LRMDA: variants seen among roughly 807,000 people sequenced by gnomAD.
The protein encoded by LRMDA is leucine rich melanocyte differentiation associated, also known as leucine-rich melanocyte differentiation-associated protein.
A neutral mutation model predicts 29.8 loss-of-function variants in LRMDA; 18 were observed. That is an observed-to-expected ratio of 0.60 (90% CI 0.42 to 0.90). The LOEUF (loss-of-function observed/expected upper bound fraction) is 0.90, where lower values mean the gene tolerates loss of function less well. LRMDA is among the 40% of genes least tolerant of loss of function. The pLI is 0.00. For synonymous variants in LRMDA, 125 were observed against 109.4 expected, an observed-to-expected ratio of 1.14 and a Z score of -0.89; for missense variants, 273 against 273.9, an observed-to-expected ratio of 1.00 and a Z score of 0.02.
At chr10:76,281,860 G>C (rs1006400968) in intron 5 of LRMDA, among the ~76,000 whole-genome samples, 7 of 152,100 alleles carry the variant, frequency 4.6e-5, no homozygotes, top group African/African-American at 1.7e-4. Flanking sequence ...GTCTTGGCCT[G>C]TTATTGTCTT....
intron 6 of LRMDA, among the ~76,000 whole-genome samples, chr10:76,403,947 C>T (rs1841875900): frequency 2.6e-5 from 4 of 152,154 alleles, no homozygotes; most frequent in Admixed American, 6.5e-5. Context: ...ATGGTGCCCG[C>T]TCTCCACTAG....
At chr10:76,366,058 TG>T (rs1439227119) in intron 6 of LRMDA, among the ~76,000 whole-genome samples, 2 of 152,148 alleles carry the variant, frequency 1.3e-5, no homozygotes, top group East Asian at 3.9e-4. Flanking sequence ...TGTAAGTATT[TG>T]GGTTTATTTC....
intron 6 of LRMDA, among the ~76,000 whole-genome samples, chr10:76,532,544 C>G (rs80330170): frequency 6.2e-4 from 94 of 152,248 alleles, no homozygotes; most frequent in African/African-American, 2.2e-3. Flanking sequence ...TAATAGCAAT[C>G]AAATGCTTGA....
intron 6 of LRMDA, among the ~76,000 whole-genome samples, chr10:76,429,545 G>T (rs1361695853): frequency 1.3e-5 from 2 of 152,066 alleles, no homozygotes; most frequent in East Asian, 3.9e-4. Context: ...ATGGCCAGAA[G>T]ATGACAGGGA....
At chr10:76,141,590 T>C (rs190818238) in intron 5 of LRMDA, among the ~76,000 whole-genome samples, 13 of 152,246 alleles carry the variant, frequency 8.5e-5, no homozygotes, top group Middle Eastern at 6.8e-3. Context: ...ACACTATTTT[T>C]ATAGTTGAAA....
intron 6 of LRMDA, among the ~76,000 whole-genome samples, chr10:76,432,419 T>C (rs189232984): frequency 6.6e-6 from 1 of 152,288 alleles, no homozygotes; most frequent in African/African-American, 2.4e-5. Flanking sequence ...CAAAGCAACA[T>C]TTGGCCTAGA....
chr10:75,495,402 A>G (rs968008056), intron 2 of LRMDA, among the ~76,000 whole-genome samples: 4 of 151,310 alleles, frequency 2.6e-5, no homozygotes, highest in African/African-American at 9.7e-5. Flanking sequence ...CGATATTAAG[A>G]TGGTGGGCAT....
At chr10:76,467,054 G>T (rs1842571568) in intron 6 of LRMDA, among the ~76,000 whole-genome samples, 1 of 152,152 alleles carries the variant, frequency 6.6e-6, no homozygotes, top group Admixed American at 6.5e-5. Context: ...AAATAGGACT[G>T]CAACTCAATA....
chr10:76,249,680 C>T (rs952997656), intron 5 of LRMDA, among the ~76,000 whole-genome samples: 4 of 152,166 alleles, frequency 2.6e-5, no homozygotes, highest in African/African-American at 9.7e-5. Flanking sequence ...GGTTTGATCA[C>T]TTAATATTTT....
At chr10:75,903,109 T>A (rs1845702392) in intron 2 of LRMDA, among the ~76,000 whole-genome samples, 1 of 152,228 alleles carries the variant, frequency 6.6e-6, no homozygotes, top group African/African-American at 2.4e-5. Context: ...AAGTGAATTG[T>A]GTTAAAATCA....
chr10:75,870,385 T>A (rs966202037), intron 2 of LRMDA, among the ~76,000 whole-genome samples: 2 of 152,214 alleles, frequency 1.3e-5, no homozygotes, highest in African/African-American at 4.8e-5. Context: ...TAGAAACATG[T>A]GTTATGTACG....
intron 5 of LRMDA, among the ~76,000 whole-genome samples, chr10:76,249,018 A>T (rs1852425322): frequency 6.6e-6 from 1 of 152,224 alleles, no homozygotes; most frequent in South Asian, 2.1e-4. Flanking sequence ...CTGTACACAA[A>T]GATCAGACTT....
intron 2 of LRMDA, among the ~76,000 whole-genome samples, chr10:75,817,609 A>T (rs968914168): frequency 6.6e-6 from 1 of 152,248 alleles, no homozygotes; most frequent in Non-Finnish European, 1.5e-5. Context: ...ATATATTCCC[A>T]GTTGGCATAG....
intron 2 of LRMDA, among the ~76,000 whole-genome samples, chr10:75,481,434 G>A (rs370391924): frequency 3.3e-5 from 5 of 152,248 alleles, no homozygotes; most frequent in Non-Finnish European, 4.4e-5. Context: ...CAGATTTAGC[G>A]GTAGGGAGGT....
chr10:76,349,826 T>A (rs1294597214), intron 6 of LRMDA, among the ~76,000 whole-genome samples: 1 of 152,102 alleles, frequency 6.6e-6, no homozygotes, highest in Non-Finnish European at 1.5e-5. Flanking sequence ...ATGCCAATCC[T>A]AAGTTCCAGA....
chr10:75,571,329 G>A (rs1449424559), intron 2 of LRMDA, among the ~76,000 whole-genome samples: 6 of 152,150 alleles, frequency 3.9e-5, no homozygotes, highest in Non-Finnish European at 8.8e-5. Flanking sequence ...CCAGTGTTCT[G>A]CCACATTGTG....
chr10:76,327,896 T>C (rs1270628844), intron 6 of LRMDA, among the ~76,000 whole-genome samples: 1 of 152,174 alleles, frequency 6.6e-6, no homozygotes, highest in Non-Finnish European at 1.5e-5. Context: ...TTCTAGATAG[T>C]TGATTATTTT....
chr10:76,476,454 C>T (rs1473067055), intron 6 of LRMDA, among the ~76,000 whole-genome samples: 7 of 152,158 alleles, frequency 4.6e-5, no homozygotes, highest in East Asian at 1.9e-4. Context: ...GATTCACAGC[C>T]GAATTCTACC....
intron 6 of LRMDA, among the ~76,000 whole-genome samples, chr10:76,381,142 T>C (rs542489676): frequency 3.3e-5 from 5 of 150,106 alleles, no homozygotes; most frequent in Admixed American, 6.7e-5. Flanking sequence ...TTCTCATTAA[T>C]TGCCTCTTAC....
Sources: gnomAD v4.1 joint callset for allele counts (sites outside exome capture counted in the v4.1 genomes callset) on GRCh38, gnomAD v4.1.1 for gene constraint, MANE v1.5 for transcripts, NCBI Gene and HGNC (gene_info 2026-07-23, HGNC 2026-07-21) for gene names.